TAFA5: variants seen among roughly 807,000 people sequenced by gnomAD.
TAFA5 encodes chemokine-like protein TAFA-5.
A neutral mutation model predicts 15.3 loss-of-function variants in TAFA5; 6 were observed. The ratio of observed to expected loss-of-function variants is 0.39; its 90% CI spans 0.21 to 0.77. The LOEUF (loss-of-function observed/expected upper bound fraction) is 0.77, where lower values mean the gene tolerates loss of function less well. Ranked by LOEUF, TAFA5 falls within the 30% of genes least tolerant of loss-of-function variation. The pLI is 0.41. For missense variants in TAFA5, 161 were observed against 193.1 expected (o/e 0.83, Z 0.98); for synonymous variants, 103 against 80.7 (o/e 1.28, Z -1.48).
intron 2 of TAFA5, among the ~76,000 whole-genome samples, chr22:48,667,301 T>C (rs1927650845): frequency 6.6e-6 from 1 of 151,928 alleles, no homozygotes; most frequent in Non-Finnish European, 1.5e-5. Flanking sequence ...GGTGTGATGA[T>C]TTACCTGTCT....
rs78090377 is a variant in TAFA5 at position 48,684,198 on chromosome 22, G to A, written c.263-23519G>A. Among the ~76,000 whole-genome samples, 533 of 152,232 alleles carry A rather than the reference G, an allele frequency of 3.5e-3. 17 individuals are homozygous for A. In the East Asian group the frequency reaches 0.081, roughly 23 times the overall value. ...GCGTTCGGAAGCAGAAGTGCGTGGG[G>A]ATGGCTTGGCTCTGCCGTCCCTCAG... On this transcript the variant is annotated intron_variant, in intron 2 of 3. Coordinates refer to ENST00000402357, the MANE Select transcript of TAFA5 (RefSeq NM_001082967.3).
At chr22:48,688,781 A>G (rs111252718) in intron 2 of TAFA5, among the ~76,000 whole-genome samples, 18 of 152,296 alleles carry the variant, frequency 1.2e-4, no homozygotes, top group African/African-American at 4.1e-4. Flanking sequence ...ACCTGAGGTC[A>G]GGAGTTCGAG....
chr22:48,571,035 T>C (rs1330364440), intron 1 of TAFA5, among the ~76,000 whole-genome samples: 3 of 152,182 alleles, frequency 2.0e-5, no homozygotes, highest in African/African-American at 7.2e-5. Context: ...TGGTGGAGTG[T>C]AACCTAGATC....
At chr22:48,613,184 C>T (rs928454625) in intron 1 of TAFA5, among the ~76,000 whole-genome samples, 1 of 152,226 alleles carries the variant, frequency 6.6e-6, no homozygotes, top group Non-Finnish European at 1.5e-5. Flanking sequence ...GCACTCACGG[C>T]TGTTCTGAGT....
At chr22:48,599,832 T>A (rs1924898354) in intron 1 of TAFA5, among the ~76,000 whole-genome samples, 2 of 152,218 alleles carry the variant, frequency 1.3e-5, no homozygotes, top group African/African-American at 4.8e-5. Flanking sequence ...AGCAGCATCC[T>A]GGGCCTCTAC....
chr22:48,734,212 C>T (rs1327730171), intron 3 of TAFA5, among the ~76,000 whole-genome samples: 2 of 152,090 alleles, frequency 1.3e-5, no homozygotes, highest in Admixed American at 6.6e-5. Flanking sequence ...TGGTTGGCAC[C>T]TGTGTAAAAT....
chr22:48,516,893 C>T (rs2147104772), intron 1 of TAFA5, among the ~76,000 whole-genome samples: 1 of 152,330 alleles, frequency 6.6e-6, no homozygotes, highest in South Asian at 2.1e-4. Context: ...CATCCAGGTC[C>T]TGCTCTCAGA....
chr22:48,645,623 C>G (rs1020338301), intron 1 of TAFA5, among the ~76,000 whole-genome samples: 3 of 152,084 alleles, frequency 2.0e-5, no homozygotes, highest in African/African-American at 7.2e-5. Flanking sequence ...TGTGGGGTAT[C>G]TGTAATGTGG....
At chr22:48,670,756 G>A (rs531100296) in intron 2 of TAFA5, among the ~76,000 whole-genome samples, 2 of 152,338 alleles carry the variant, frequency 1.3e-5, no homozygotes, top group African/African-American at 2.4e-5. Context: ...GCCTGAAGGC[G>A]AGAAAGCACC....
rs1291587435 is a variant in TAFA5 at position 48,682,013 on chromosome 22, A to G, written c.263-25704A>G. Among the ~76,000 whole-genome samples the G allele has an allele frequency of 6.7e-5, 9 of 133,600 alleles. 3 individuals carry two copies. Among genetic ancestry groups the G allele is most frequent in the Non-Finnish European group, 1.6e-4 (9 of 57,462 alleles). The allele number at this position is 133,600 out of a possible 152,430, so 87.6% of individuals were successfully genotyped here. A position where few individuals can be genotyped will look rare whatever the true frequency, so the allele number is the denominator to read the frequency against. ...ACTCACTGGAGACTCGGGGCCTCCC[A>G]GGGCCTGAGGCTGCGGCTCCCCAAG... On this transcript the variant is annotated intron_variant, in intron 2 of 3. Transcript: ENST00000402357.
intron 1 of TAFA5, among the ~76,000 whole-genome samples, chr22:48,576,998 A>G (rs1923835619): frequency 1.3e-5 from 2 of 152,110 alleles, no homozygotes; most frequent in South Asian, 4.1e-4. Flanking sequence ...GGGACCCGCC[A>G]GGGTGGGCGC....
chr22:48,510,969 G>A (rs556723919), intron 1 of TAFA5, among the ~76,000 whole-genome samples: 103 of 152,390 alleles, frequency 6.8e-4, no homozygotes, highest in Admixed American at 1.4e-3. Context: ...CTTGACATGA[G>A]GGAGGGAGGG....
intron 1 of TAFA5, among the ~76,000 whole-genome samples, chr22:48,510,126 T>A (rs1171921591): frequency 6.6e-6 from 1 of 152,128 alleles, no homozygotes; most frequent in African/African-American, 2.4e-5. Flanking sequence ...GGGACATTGG[T>A]CTGCACAAAG....
At chr22:48,707,424 G>A (rs1929114298) in intron 2 of TAFA5, among the ~76,000 whole-genome samples, 1 of 152,170 alleles carries the variant, frequency 6.6e-6, no homozygotes, top group African/African-American at 2.4e-5. Flanking sequence ...CACACTGCAG[G>A]AGGGGCCATG....
intron 1 of TAFA5, among the ~76,000 whole-genome samples, chr22:48,578,622 G>T (rs986829333): frequency 7.9e-5 from 12 of 152,232 alleles, no homozygotes; most frequent in Non-Finnish European, 5.9e-5. Flanking sequence ...GAGGGCACAG[G>T]TACCTTTGGA....
At chr22:48,659,343 C>G (rs1320594604) in intron 2 of TAFA5, among the ~76,000 whole-genome samples, 1 of 152,228 alleles carries the variant, frequency 6.6e-6, no homozygotes, top group Non-Finnish European at 1.5e-5. Flanking sequence ...CATTCACAGC[C>G]CAGCCCACCG....
intron 3 of TAFA5, among the ~76,000 whole-genome samples, chr22:48,710,388 G>C (rs572931995): frequency 2.0e-5 from 3 of 152,198 alleles, no homozygotes; most frequent in African/African-American, 7.2e-5. Flanking sequence ...TGCCTCCTGC[G>C]TTCACCCAGA....
At chr22:48,558,844 G>A (rs954758941) in intron 1 of TAFA5, among the ~76,000 whole-genome samples, 5 of 152,226 alleles carry the variant, frequency 3.3e-5, no homozygotes, top group Non-Finnish European at 5.9e-5. Context: ...CTGGGCGAAC[G>A]GCGGGCCCAC....
At chr22:48,654,527 A>G (rs1927169585) in intron 2 of TAFA5, among the ~76,000 whole-genome samples, 1 of 152,228 alleles carries the variant, frequency 6.6e-6, no homozygotes, top group Non-Finnish European at 1.5e-5. Flanking sequence ...AGAGAGCTGC[A>G]GGGTCCTGGG....
Sources: gnomAD v4.1 joint callset for allele counts (sites outside exome capture counted in the v4.1 genomes callset) on GRCh38, gnomAD v4.1.1 for gene constraint, MANE v1.5 for transcripts, NCBI Gene and HGNC (gene_info 2026-07-23, HGNC 2026-07-21) for gene names.